The following UGGT1 variants were observed in gnomAD, a reference collection of about 807,000 sequenced individuals.
UGGT1 encodes UDP-glucose glycoprotein glucosyltransferase 1.
UGGT1 carries 107 observed loss-of-function variants against 203.9 expected under a neutral mutation model. The observed-to-expected ratio is 0.52, with a 90% CI of 0.45 to 0.62. UGGT1 has a LOEUF of 0.62. Among genes scored for constraint, UGGT1 ranks in the 20% least tolerant of loss-of-function variants. The pLI, the probability that UGGT1 is intolerant of heterozygous loss-of-function variation, is 0.00. For synonymous variants in UGGT1, 628 were observed against 653.5 expected, an observed-to-expected ratio of 0.96 and a Z score of 0.59; for missense variants, 1,673 against 1,867.2, an observed-to-expected ratio of 0.90 and a Z score of 1.92.
At chr2:128,154,398 A>G (rs1690127596) in intron 19 of UGGT1, among the ~76,000 whole-genome samples, 1 of 152,186 alleles carries the variant, frequency 6.6e-6, no homozygotes, top group African/African-American at 2.4e-5. Flanking sequence ...GCTAGTCCAC[A>G]GTGGCAAAGT....
chr2:128,152,988 A>T, intron 19 of UGGT1, 84 bp downstream of exon 19: 1 of 1,589,230 alleles, frequency 6.3e-7, no homozygotes, highest in Admixed American at 1.9e-5. Flanking sequence ...TAATATTCTG[A>T]TTATCTTCTG....
intron 15 of UGGT1, among the ~76,000 whole-genome samples, chr2:128,135,556 T>C (rs1689092854): frequency 6.6e-6 from 1 of 152,202 alleles, no homozygotes; most frequent in Non-Finnish European, 1.5e-5. Flanking sequence ...AATGTGAAAA[T>C]AAAGAAGAAA....
At chr2:128,103,241 A>G (rs538264399) in intron 2 of UGGT1, 2 of 349,868 alleles carry the variant, frequency 5.7e-6, no homozygotes, top group East Asian at 1.7e-4. Context: ...AGCAATTGAC[A>G]TGAATCATTC....
intron 26 of UGGT1, among the ~76,000 whole-genome samples, chr2:128,166,702 T>A (rs1690806986): frequency 6.6e-6 from 1 of 152,202 alleles, no homozygotes; most frequent in Non-Finnish European, 1.5e-5. Flanking sequence ...AGTTGCTTCC[T>A]CATGATTAGA....
At position 128,172,583 on chromosome 2, in the gene UGGT1, T is replaced by C. The variant is rs778167690; in HGVS notation, c.3115T>C (p.Tyr1039His). 3 of 1,613,968 alleles carry C rather than the reference T, an allele frequency of 1.9e-6. No homozygotes were observed. Among genetic ancestry groups the C allele is most frequent in the Non-Finnish European group, 2.5e-6 (3 of 1,180,020 alleles). ...CCTTTTCAATTTCAGCTTTTACCGT[T>C]ATGTCTTAGAACCAGAGATTTCTTT... ...SDMPLKSFYR[Y>H]VLEPEISFTS... The change falls in exon 29 of 41, where the codon TAT becomes CAT. Residue 1039 changes from tyrosine (Y) to histidine (H), a missense_variant. Coordinates refer to ENST00000259253, the MANE Select transcript of UGGT1 (RefSeq NM_020120.4).
At chr2:128,119,825 T>C (rs1259441135) in intron 8 of UGGT1, among the ~76,000 whole-genome samples, 1 of 152,070 alleles carries the variant, frequency 6.6e-6, no homozygotes, top group South Asian at 2.1e-4. Context: ...CTTTCTTTTT[T>C]TCCCAGTATA....
chr2:128,116,914 C>T (rs1460259331), intron 8 of UGGT1, among the ~76,000 whole-genome samples: 5 of 152,144 alleles, frequency 3.3e-5, no homozygotes, highest in African/African-American at 7.2e-5. Context: ...CATTAAGTTA[C>T]ATACCATTTT....
chr2:128,187,668 G>C, intron 40 of UGGT1, 54 bp downstream of exon 40: 1 of 1,525,392 alleles, frequency 6.6e-7, no homozygotes, highest in South Asian at 1.3e-5. Flanking sequence ...TCTGATTTCT[G>C]CTTGTTGTAA....
rs1573474075 is a variant in UGGT1, at chr2:128,091,229, G to A, written c.-129G>A. The A allele has an allele frequency of 6.7e-6, 7 of 1,050,654 alleles. No individual in the cohort carries two copies. The highest frequency in any genetic ancestry group is 6.6e-5 in the South Asian group (4 of 60,196). 65.1% of individuals were successfully genotyped at this position (1,050,654 alleles called of 1,614,324 possible). A position where few individuals can be genotyped will look rare whatever the true frequency, so the allele number is the denominator to read the frequency against. Reference sequence around the variant, plus strand: ...GGGCAATTGCTTTGCGAGGCTGGGTGTTGAGTCGAGCCGCGGGAAAGGCGC... The same window carrying A: ...GGGCAATTGCTTTGCGAGGCTGGGTATTGAGTCGAGCCGCGGGAAAGGCGC... On this transcript the variant is annotated 5_prime_UTR_variant, in exon 1 of 41. Transcript: ENST00000259253.
chr2:128,158,395 C>T (rs1371313756), intron 22 of UGGT1, among the ~76,000 whole-genome samples: 1 of 152,222 alleles, frequency 6.6e-6, no homozygotes, highest in African/African-American at 2.4e-5. Flanking sequence ...TGCCCAGACA[C>T]TACGCCTCTT....
intron 16 of UGGT1, among the ~76,000 whole-genome samples, chr2:128,141,930 C>T (rs1263436546): frequency 6.6e-6 from 1 of 151,888 alleles, no homozygotes; most frequent in East Asian, 1.9e-4. Context: ...TCAAGGACTA[C>T]TTATAAGTGT....
In UGGT1 at chr2:128,183,726, C is replaced by T; in HGVS notation, c.4296C>T (p.Asp1432=). 6.2e-7 allele frequency: 1 copy of T among 1,614,084 alleles called. No homozygotes were observed. The highest frequency in any genetic ancestry group is 2.2e-5 in the East Asian group (1 of 44,884). The change falls in exon 38 of 41, where the codon GAC becomes GAT. Residue 1432 remains aspartate (D), a synonymous_variant. Coordinates refer to ENST00000259253, the MANE Select transcript of UGGT1 (RefSeq NM_020120.4). ...AGTTTAGGAAAATAGCTGCTGGTGACAGACTCAGGGGACAGTACCAAGGTC... is the reference window on the plus strand; with the variant it reads ...AGTTTAGGAAAATAGCTGCTGGTGATAGACTCAGGGGACAGTACCAAGGTC... ...LKKFRKIAAG[D]RLRGQYQGLS... is the part of the protein sequence containing the mutation.
intron 18 of UGGT1, among the ~76,000 whole-genome samples, chr2:128,148,961 G>A (rs1689817561): frequency 6.6e-6 from 1 of 152,036 alleles, no homozygotes; most frequent in African/African-American, 2.4e-5. Flanking sequence ...TTTATTTTGG[G>A]GCCATTGATT....
chr2:128,119,947 CT>C (rs1235237532), intron 8 of UGGT1, among the ~76,000 whole-genome samples: 85 of 144,654 alleles, frequency 5.9e-4, no homozygotes, highest in Non-Finnish European at 4.6e-4. Flanking sequence ...TTCTTTTTTT[CT>C]TTTTTTTTTT....
At chr2:128,161,326 TCA>T (rs1299100170) in intron 25 of UGGT1, 58 bp downstream of exon 25, 2 of 1,581,402 alleles carry the variant, frequency 1.3e-6, no homozygotes, top group African/African-American at 2.7e-5. Context: ...TCCTCATTGA[TCA>T]GTTAGAATTA....
intron 14 of UGGT1, among the ~76,000 whole-genome samples, chr2:128,134,612 G>A (rs1158836847): frequency 6.6e-6 from 1 of 152,178 alleles, no homozygotes; most frequent in Non-Finnish European, 1.5e-5. Flanking sequence ...TTCATTTGGT[G>A]TAGTAGAAAA....
rs1690432548 is a variant in UGGT1 at position 128,159,693 on chromosome 2, A to G, written c.2535A>G (p.Gly845=). The G allele has an allele frequency of 6.2e-7, 1 of 1,614,118 alleles. No homozygotes were observed. ...GGGCTGCAGAGGCCCTGGCTGCAGG[A>G]GCTGACATTGCGGAGTTCTCTGTTG... ...KEGAAEALAA[G]ADIAEFSVGG... is the part of the protein sequence containing the mutation. Residue 845 remains glycine (G), a synonymous_variant, in exon 23 of 41, where the codon GGA becomes GGG. Transcript: ENST00000259253.
chr2:128,188,297 G>A (rs1367737861), intron 40 of UGGT1, among the ~76,000 whole-genome samples: 1 of 152,100 alleles, frequency 6.6e-6, no homozygotes, highest in African/African-American at 2.4e-5. Flanking sequence ...GCCCGCCTCA[G>A]CCTCCCAAAG....
chr2:128,161,210 A>G lies in UGGT1; in HGVS notation c.2767A>G (p.Lys923Glu), dbSNP rs775183280. 1 of 1,614,086 alleles carries G rather than the reference A, an allele frequency of 6.2e-7. No individual in the cohort carries two copies. Among genetic ancestry groups the G allele is most frequent in the Non-Finnish European group, 8.5e-7 (1 of 1,179,974 alleles). Residue 923 changes from lysine to glutamate, a missense_variant, in exon 25 of 41, where the codon AAA becomes GAA. By Grantham distance (56) the Lys-to-Glu change is moderately conservative. This residue lies in a region of UGGT1 where 1,073 missense variants were observed against 1,078.7 expected (regional missense o/e 0.99). Transcript: ENST00000259253. ...CCACCTCCTCGAAAATATCATCTTA[A>G]AAACCTCAGGACAGAAAATAAAATC... The part of the protein sequence containing the change: ...DFHLLENIIL[K>E]TSGQKIKSHI...
Sources: gnomAD v4.1 joint callset for allele counts (sites outside exome capture counted in the v4.1 genomes callset) on GRCh38, gnomAD v4.1.1 for gene constraint, gnomAD v4.1.1 regional missense constraint, MANE v1.5 for transcripts, NCBI Gene and HGNC (gene_info 2026-07-23, HGNC 2026-07-21) for gene names.